ENOSF1: variants seen among roughly 807,000 people sequenced by gnomAD.
The protein encoded by ENOSF1 is mitochondrial enolase superfamily member 1.
In ENOSF1, 73 loss-of-function variants were observed where a neutral mutation model predicts 68.2. That is an observed-to-expected ratio of 1.07 (90% CI 0.89 to 1.30). The LOEUF (loss-of-function observed/expected upper bound fraction) is 1.30, where lower values mean the gene tolerates loss of function less well. Ranked by LOEUF, ENOSF1 falls within the 50% of genes most tolerant of loss-of-function variation. The pLI, the probability that ENOSF1 is intolerant of heterozygous loss-of-function variation, is 0.00. For synonymous variants in ENOSF1, 223 were observed against 210.4 expected, an observed-to-expected ratio of 1.06 and a Z score of -0.52; for missense variants, 589 against 554.5, an observed-to-expected ratio of 1.06 and a Z score of -0.62.
intron 7 of ENOSF1, 23 bp downstream of exon 7, chr18:691,045 A>T (rs1249054886): frequency 1.9e-6 from 3 of 1,613,678 alleles, no homozygotes; most frequent in African/African-American, 1.3e-5. Flanking sequence ...AAAAACAATG[A>T]AGAAAATTTT....
intron 14 of ENOSF1, among the ~76,000 whole-genome samples, chr18:676,645 T>TG (rs2075553092): frequency 6.6e-6 from 1 of 152,224 alleles, no homozygotes; most frequent in Non-Finnish European, 1.5e-5. Context: ...TTTATAGCAG[T>TG]GCAAGAATAG....
At chr18:676,734 G>T (rs751353759) in intron 14 of ENOSF1, among the ~76,000 whole-genome samples, 8 of 152,142 alleles carry the variant, frequency 5.3e-5, no homozygotes, top group Non-Finnish European at 1.0e-4. Flanking sequence ...GAGAAAAACG[G>T]TTACCATTAT....
intron 2 of ENOSF1, 138 bp from the exon 3 acceptor site, chr18:697,493 G>T (rs1598734747): frequency 3.1e-6 from 2 of 649,930 alleles, no homozygotes; most frequent in South Asian, 3.7e-5. Flanking sequence ...GCTCATGCCT[G>T]TAATCTCAAC....
chr18:699,960 A>T (rs2078150083), intron 2 of ENOSF1, among the ~76,000 whole-genome samples: 1 of 152,198 alleles, frequency 6.6e-6, no homozygotes, highest in African/African-American at 2.4e-5. Flanking sequence ...GGTGCCTGTA[A>T]TCCCAGCTAC....
intron 15 of ENOSF1, 52 bp from the exon 16 acceptor site, chr18:674,458 C>T (rs374891884): frequency 1.8e-6 from 2 of 1,135,682 alleles, no homozygotes; most frequent in African/African-American, 3.1e-5. Flanking sequence ...GGAACAAAAA[C>T]AGATTTTATG....
chr18:704,807 T>C (rs1467255695), intron 2 of ENOSF1, among the ~76,000 whole-genome samples: 1 of 152,142 alleles, frequency 6.6e-6, no homozygotes, highest in Non-Finnish European at 1.5e-5. Context: ...GGTTTCACCA[T>C]GTTGACCAGG....
chr18:686,233 A>T, intron 9 of ENOSF1: 1 of 504,084 alleles, frequency 2.0e-6, no homozygotes, highest in Non-Finnish European at 3.5e-6. Flanking sequence ...GCTGACCTGG[A>T]GTTAAGGAGC....
At chr18:664,117 A>G in the ENOSF1 span, among the ~76,000 whole-genome samples, 6 of 150,642 alleles carry the variant, frequency 4.0e-5, no homozygotes, top group African/African-American at 1.5e-4. Context: ...CAGTATGGCC[A>G]TTTTCACGAT....
chr18:711,641 C>A (rs1309630776), intron 1 of ENOSF1, among the ~76,000 whole-genome samples: 1 of 152,146 alleles, frequency 6.6e-6, no homozygotes, highest in East Asian at 1.9e-4. Context: ...CCGCTCTAGA[C>A]GGGGGCAGGG....
chr18:671,127 T>C lies in ENOSF1; in HGVS notation c.*3178A>G, dbSNP rs1276647219. 1 of 615,272 alleles carries C rather than the reference T, an allele frequency of 1.6e-6. No individual in the cohort carries two copies. The highest frequency in any genetic ancestry group is 1.9e-5 in the African/African-American group (1 of 54,046). 38.1% of individuals were successfully genotyped at this position (615,272 alleles called of 1,614,324 possible). On this transcript the variant is annotated 3_prime_UTR_variant, in exon 16 of 16. Coordinates refer to ENST00000647584, the MANE Select transcript of ENOSF1 (RefSeq NM_017512.7). ...GATTTTCTCAAAAGCTATGCTGAGG[T>C]TGGGTATGGTGGCTCATGCCTGTAA...
chr18:710,681 C>A lies in ENOSF1; in HGVS notation c.84+1823G>T, dbSNP rs532226915. Among the ~76,000 whole-genome samples the A allele has an allele frequency of 3.9e-5, 6 of 152,310 alleles. No individual in the cohort carries two copies. The South Asian group carries it at 1.2e-3, about 32-fold the overall frequency. Reference sequence around the variant, plus strand: ...GCCCTCATGCCTGGCCTATAGCCAACTTTACTGACGGCCTTCTCTGAGCCA... The same window carrying A: ...GCCCTCATGCCTGGCCTATAGCCAAATTTACTGACGGCCTTCTCTGAGCCA... On this transcript the variant is annotated intron_variant, in intron 1 of 15. Transcript: ENST00000647584.
intron 8 of ENOSF1, 57 bp from the exon 9 acceptor site, chr18:688,665 A>C: frequency 6.7e-7 from 1 of 1,485,446 alleles, no homozygotes; most frequent in Non-Finnish European, 9.4e-7. Context: ...TCTGACCAGG[A>C]AGTCAGTCAT....
intron 7 of ENOSF1, 25 bp downstream of exon 7, chr18:691,043 T>C: frequency 1.9e-6 from 3 of 1,613,650 alleles, no homozygotes; most frequent in Non-Finnish European, 2.5e-6. Flanking sequence ...GCAAAAACAA[T>C]GAAGAAAATT....
chr18:682,022 C>T (rs1370119261), intron 11 of ENOSF1, among the ~76,000 whole-genome samples: 1 of 152,136 alleles, frequency 6.6e-6, no homozygotes, highest in Non-Finnish European at 1.5e-5. Flanking sequence ...ACCAAGACTG[C>T]TCCATCAGAG....
chr18:670,011 T>A (rs1183694055), downstream of ENOSF1, among the ~76,000 whole-genome samples: 2 of 150,668 alleles, frequency 1.3e-5, no homozygotes, highest in South Asian at 2.1e-4. Flanking sequence ...CATAAGTACT[T>A]AGAGTGAAAT....
At chr18:693,193 A>C (rs1295416058) in intron 5 of ENOSF1, 1 of 1,289,170 alleles carries the variant, frequency 7.8e-7, no homozygotes, top group South Asian at 1.2e-5. Flanking sequence ...GAAAAGGTCA[A>C]GGAGAAAGAA....
intron 11 of ENOSF1, among the ~76,000 whole-genome samples, chr18:681,425 C>G (rs2076064587): frequency 1.3e-5 from 2 of 152,204 alleles, no homozygotes; most frequent in African/African-American, 4.8e-5. Flanking sequence ...CTGTGAGATG[C>G]TCAGGTAGGC....
At chr18:680,192 C>G (rs774492649) in intron 11 of ENOSF1, among the ~76,000 whole-genome samples, 1 of 152,202 alleles carries the variant, frequency 6.6e-6, no homozygotes, top group Non-Finnish European at 1.5e-5. Context: ...CCGCATCTCA[C>G]GGGATGTGTG....
chr18:675,676 ACT>A (rs2144534820), intron 14 of ENOSF1: 2 of 349,262 alleles, frequency 5.7e-6, no homozygotes, highest in East Asian at 4.7e-5. Context: ...ATCAATTCAG[ACT>A]CTGTAAATAT....
Sources: allele counts gnomAD v4.1 joint callset (sites outside exome capture counted in the v4.1 genomes callset), GRCh38; gene constraint gnomAD v4.1.1; transcripts MANE v1.5; gene names NCBI Gene and HGNC (gene_info 2026-07-23, HGNC 2026-07-21).